Variants in SUMF1 observed in about 807,000 individuals in gnomAD.
SUMF1 encodes formylglycine-generating enzyme.
Under a neutral mutation model 47.6 loss-of-function variants are expected in SUMF1, and 48 were observed. The observed-to-expected ratio is 1.01, with a 90% CI of 0.80 to 1.28. The LOEUF is 1.28. Ranked by LOEUF, SUMF1 falls within the 50% of genes most tolerant of loss-of-function variation. SUMF1 has a pLI of 0.00. For missense variants in SUMF1, 571 were observed against 485.4 expected (o/e 1.18, Z -1.66); for synonymous variants, 230 against 192.1 (o/e 1.20, Z -1.63).
chr3:4,126,790 C>T (rs1693664096), intron 8 of SUMF1, among the ~76,000 whole-genome samples: 1 of 152,086 alleles, frequency 6.6e-6, no homozygotes, highest in Admixed American at 6.6e-5. Context: ...AATTCATAAT[C>T]ATGAAAAGAA....
chr3:4,116,114 C>G (rs544187842), intron 8 of SUMF1, among the ~76,000 whole-genome samples: 1 of 152,192 alleles, frequency 6.6e-6, no homozygotes, highest in African/African-American at 2.4e-5. Context: ...GTAGATCAGG[C>G]CACAGTTAAC....
At chr3:4,160,023 G>A (rs1694539684) in intron 8 of SUMF1, among the ~76,000 whole-genome samples, 1 of 152,070 alleles carries the variant, frequency 6.6e-6, no homozygotes, top group South Asian at 2.1e-4. Flanking sequence ...ATTATTAAAT[G>A]CCTTGGGGTA....
intron 9 of SUMF1, among the ~76,000 whole-genome samples, chr3:4,056,474 G>A (rs1270144540): frequency 1.3e-5 from 2 of 152,060 alleles, no homozygotes; most frequent in Non-Finnish European, 2.9e-5. Context: ...AGGAGTTCAA[G>A]GCCAGCCTGG....
rs951150015 is a variant in SUMF1, at chr3:4,367,942, T to C, written c.1015-5688A>G. On this transcript the variant is annotated intron_variant, in intron 8 of 8. Coordinates refer to ENST00000272902, the MANE Select transcript of SUMF1 (RefSeq NM_182760.4). ...TAGGCATGGGCAAGGACTTCATGTC[T>C]AAAACACCAAAAGTAATGGCAACAA... is the stretch of plus-strand genomic sequence containing the variant. Among the ~76,000 whole-genome samples, 472 of 152,090 alleles carry C rather than the reference T, an allele frequency of 3.1e-3. 2 individuals are homozygous for C. The highest frequency in any genetic ancestry group is 0.011 in the African/African-American group (455 of 41,512).
chr3:4,092,863 G>A (rs1049135659), intron 8 of SUMF1, among the ~76,000 whole-genome samples: 1 of 152,030 alleles, frequency 6.6e-6, no homozygotes, highest in African/African-American at 2.4e-5. Flanking sequence ...AGAAGGTAAG[G>A]CTGATAATAG....
intron 9 of SUMF1, among the ~76,000 whole-genome samples, chr3:4,043,224 G>C (rs1419710978): frequency 6.6e-6 from 1 of 151,996 alleles, no homozygotes; most frequent in Non-Finnish European, 1.5e-5. Context: ...CTTCAGGCCT[G>C]GGCAGTACAA....
intron 8 of SUMF1, among the ~76,000 whole-genome samples, chr3:4,350,002 CTTT>C (rs766765804): frequency 1.4e-5 from 2 of 139,128 alleles, no homozygotes. Flanking sequence ...GTATTATTTT[CTTT>C]TTTTTTTTTT....
intron 1 of SUMF1, among the ~76,000 whole-genome samples, chr3:4,458,592 A>C (rs1358796955): frequency 1.3e-5 from 2 of 152,214 alleles, no homozygotes; most frequent in Admixed American, 1.3e-4. Context: ...GCGGAGGCTC[A>C]CGCCTGTAAT....
At chr3:4,236,519 C>T (rs534513705) in intron 8 of SUMF1, among the ~76,000 whole-genome samples, 23 of 151,974 alleles carry the variant, frequency 1.5e-4, no homozygotes, top group Non-Finnish European at 2.6e-4. Flanking sequence ...CTCAGGAGGC[C>T]GAAGCAGGAG....
intron 8 of SUMF1, among the ~76,000 whole-genome samples, chr3:4,258,416 GA>G (rs1487458891): frequency 7.2e-6 from 1 of 139,526 alleles, no homozygotes; most frequent in African/African-American, 2.8e-5. Context: ...AAATTTACAA[GA>G]AAAAAACAAA....
At chr3:4,189,702 G>A (rs1372800362) in intron 8 of SUMF1, among the ~76,000 whole-genome samples, 1 of 43,340 alleles carries the variant, frequency 2.3e-5, no homozygotes, top group Non-Finnish European at 4.7e-5. Context: ...AAGAACTAAA[G>A]GAAGGAGAAG....
rs1295518923 is a variant in SUMF1, at chr3:4,445,511, G to A, written c.519+3755C>T. Among the ~76,000 whole-genome samples the A allele has an allele frequency of 3.9e-5, 6 of 151,936 alleles. No homozygotes were observed. In the East Asian group the frequency reaches 1.2e-3, roughly 29 times the overall value. ...TGCTACCATACCTGGCTAATTTTTT[G>A]TATTTTTTGTAGAGATGGGGTCTCT... On this transcript the variant is annotated intron_variant, in intron 3 of 8. Transcript: ENST00000272902.
intron 8 of SUMF1, among the ~76,000 whole-genome samples, chr3:4,193,254 A>G (rs1329875360): frequency 6.7e-6 from 1 of 148,894 alleles, no homozygotes; most frequent in Non-Finnish European, 1.5e-5. Flanking sequence ...ATGAATAATG[A>G]AAGTTCCACA....
intron 8 of SUMF1, chr3:4,314,314 A>G (rs1436239831): frequency 1.3e-5 from 2 of 153,378 alleles, no homozygotes; most frequent in Non-Finnish European, 2.9e-5. Context: ...CCTAATAATG[A>G]TCCAAGAAAC....
At chr3:4,366,717 G>A (rs556300893) in intron 8 of SUMF1, among the ~76,000 whole-genome samples, 28 of 152,236 alleles carry the variant, frequency 1.8e-4, no homozygotes, top group Non-Finnish European at 2.4e-4. Context: ...CTCTCAACTC[G>A]TCAAAGTCAT....
intron 8 of SUMF1, among the ~76,000 whole-genome samples, chr3:4,085,860 T>C (rs185032943): frequency 1.3e-5 from 2 of 149,138 alleles, no homozygotes; most frequent in East Asian, 3.9e-4. Context: ...AAATAGACAA[T>C]ACTCCCATGA....
intron 8 of SUMF1, among the ~76,000 whole-genome samples, chr3:4,263,830 C>T (rs552581499): frequency 3.3e-5 from 5 of 152,126 alleles, no homozygotes; most frequent in Non-Finnish European, 7.4e-5. Context: ...TGGGCAAGGC[C>T]ATTTCTACAT....
chr3:4,258,101 A>G (rs534498446), intron 8 of SUMF1, among the ~76,000 whole-genome samples: 2 of 150,796 alleles, frequency 1.3e-5, no homozygotes, highest in African/African-American at 4.9e-5. Context: ...CACCTTATAC[A>G]AAAATCAATT....
Position 4,180,154 on chromosome 3 carries a change from G to C in SUMF1, c.1015-111409C>G, listed in dbSNP as rs866892636. Among the ~76,000 whole-genome samples, 16 of 152,272 alleles carry C rather than the reference G, an allele frequency of 1.1e-4. No homozygotes were observed. The South Asian group carries it at 1.5e-3, about 14-fold the overall frequency. ...AGTGTGGTAATTCCTCAAGGATCTA[G>C]AACTAGAATTACCATTTAACCCAGC... On this transcript the variant is annotated intron_variant and NMD_transcript_variant, in intron 8 of 12. Coordinates refer to the SUMF1 transcript ENST00000448413.
Sources: allele counts gnomAD v4.1 joint callset (sites outside exome capture counted in the v4.1 genomes callset), GRCh38; gene constraint gnomAD v4.1.1; transcripts MANE v1.5; gene names NCBI Gene and HGNC (gene_info 2026-07-23, HGNC 2026-07-21).